CLTC: variants seen among roughly 807,000 people sequenced by gnomAD.
CLTC encodes the protein clathrin heavy chain, also known as clathrin heavy chain 1.
A neutral mutation model predicts 195.8 loss-of-function variants in CLTC; 16 were observed. The observed-to-expected ratio is 0.08, with a 90% confidence interval of 0.06 to 0.12. CLTC has a LOEUF of 0.12. Ranked by LOEUF, CLTC falls within the 10% of genes least tolerant of loss-of-function variation. The probability of loss-of-function intolerance (pLI) is 1.00; values close to 1 mark genes in which losing one functional copy is unlikely to be tolerated. For synonymous variants in CLTC, 667 were observed against 689.4 expected (o/e 0.97, Z 0.51); for missense variants, 796 against 2,027.0 (o/e 0.39, Z 11.66).
At position 59,685,500 on chromosome 17, in the gene CLTC, T is replaced by C. The variant is rs2033165476; in HGVS notation, c.4606-87T>C. The C allele has an allele frequency of 8.3e-7, 1 of 1,210,976 alleles. No homozygotes were observed. The highest frequency in any genetic ancestry group is 1.2e-6 in the Non-Finnish European group (1 of 856,782). 75.0% of individuals were successfully genotyped at this position (1,210,976 alleles called of 1,614,324 possible). A position where few individuals can be genotyped will look rare whatever the true frequency, so the allele number is the denominator to read the frequency against. ...TTTTCCCCTTGCAAAACCAGATTTA[T>C]ATTGGAAAGTTTCCATTGTTTTTCT... On this transcript the variant is annotated intron_variant, in intron 29 of 31. Coordinates refer to ENST00000269122, the MANE Select transcript of CLTC (RefSeq NM_004859.4). The surrounding 1 kb of genome is among the most constrained non-coding windows in gnomAD (Gnocchi z 5.0).
At chr17:59,664,563 A>AAAAG (rs1555605157) in intron 9 of CLTC, 9 of 289,944 alleles carry the variant, frequency 3.1e-5, no homozygotes, top group Admixed American at 1.7e-4. Flanking sequence ...AAAAAAAAAA[A>AAAAG]AAAAGAAAAG....
Position 59,673,783 on chromosome 17 carries a change from T to G in CLTC, c.2418+11T>G. 9.3e-7 allele frequency: 1 copy of G among 1,073,472 alleles called. No individual in the cohort carries two copies. Among genetic ancestry groups the G allele is most frequent in the Non-Finnish European group, 1.4e-6 (1 of 697,150 alleles). The allele number at this position is 1,073,472 out of a possible 1,614,324, so 66.5% of individuals were successfully genotyped here. Reference sequence around the variant, plus strand: ...ATATATGTACAGAAGGTAAGTAATATGTAGGTAATGTAAAGGTATAATCTT... The same window carrying G: ...ATATATGTACAGAAGGTAAGTAATAGGTAGGTAATGTAAAGGTATAATCTT... On this transcript the variant is annotated intron_variant, in intron 15 of 31. Transcript: ENST00000269122.
chr17:59,620,881 C>G (rs1172683499), intron 1 of CLTC, among the ~76,000 whole-genome samples: 1 of 152,172 alleles, frequency 6.6e-6, no homozygotes, highest in Non-Finnish European at 1.5e-5. Flanking sequence ...GCCTCCCCTT[C>G]CCCCTTTTTT....
At chr17:59,639,803 TAA>T (rs34219678) in intron 1 of CLTC, among the ~76,000 whole-genome samples, 2 of 142,644 alleles carry the variant, frequency 1.4e-5, no homozygotes, top group Admixed American at 7.0e-5. Flanking sequence ...ACCTGTCTCT[TAA>T]AAAAAAAAAA....
In CLTC at chr17:59,681,183, C is replaced by T. The variant is rs2033073621; in HGVS notation, c.3066-112C>T. 4 of 1,427,834 alleles carry T rather than the reference C, an allele frequency of 2.8e-6. No homozygotes were observed. The East Asian group carries it at 6.9e-5, about 25-fold the overall frequency. 88.4% of individuals were successfully genotyped at this position (1,427,834 alleles called of 1,614,324 possible). ...TGAATTCTCACTCTTCTAATATCCTCCCCCCTACCCTACCTCTTGAGACAA... is the reference window on the plus strand; with the variant it reads ...TGAATTCTCACTCTTCTAATATCCTTCCCCCTACCCTACCTCTTGAGACAA... On this transcript the variant is annotated intron_variant, in intron 19 of 31. Coordinates refer to ENST00000269122, the MANE Select transcript of CLTC (RefSeq NM_004859.4). The surrounding 1 kb of genome is among the most constrained non-coding windows in gnomAD (Gnocchi z 5.0).
At chr17:59,634,634 T>G (rs1413550615) in intron 1 of CLTC, among the ~76,000 whole-genome samples, 1 of 152,142 alleles carries the variant, frequency 6.6e-6, no homozygotes, top group African/African-American at 2.4e-5. Flanking sequence ...AATCAAAAAT[T>G]CTAAGAGCCA....
At chr17:59,652,916 T>C (rs2032363481) in intron 5 of CLTC, among the ~76,000 whole-genome samples, 1 of 152,208 alleles carries the variant, frequency 6.6e-6, no homozygotes, top group Non-Finnish European at 1.5e-5. Context: ...TCAATGATCT[T>C]AGCTAGATCT....
At chr17:59,631,915 G>C (rs549937137) in intron 1 of CLTC, among the ~76,000 whole-genome samples, 36 of 151,648 alleles carry the variant, frequency 2.4e-4, no homozygotes, top group African/African-American at 8.2e-4. Context: ...GGTTGCAGTA[G>C]GCTGAAGTCA....
chr17:59,622,426 G>GT, intron 1 of CLTC, among the ~76,000 whole-genome samples: 1 of 152,020 alleles, frequency 6.6e-6, no homozygotes, highest in Admixed American at 6.6e-5. Flanking sequence ...GGTTTTTGCT[G>GT]GAGGTCAGTG....
intron 7 of CLTC, 63 bp downstream of exon 7, chr17:59,660,651 T>A: frequency 6.6e-7 from 1 of 1,519,490 alleles, no homozygotes; most frequent in Non-Finnish European, 9.1e-7. Context: ...CTGTTTCTTA[T>A]ATTACTAGAA....
rs769723263 is a variant in CLTC at position 59,681,280 on chromosome 17, T to G, written c.3066-15T>G. 6.3e-7 allele frequency: 1 copy of G among 1,580,450 alleles called. No individual in the cohort carries two copies. The highest frequency in any genetic ancestry group is 1.1e-5 in the South Asian group (1 of 87,552). On this transcript the variant is annotated splice_polypyrimidine_tract_variant and intron_variant, in intron 19 of 31. Transcript: ENST00000269122. The surrounding 1 kb of genome is among the most constrained non-coding windows in gnomAD (Gnocchi z 5.0). ...TTAAAATATTGCATTTAAAATATTC[T>G]TTTTTTTCTTAAAGGAATCTGCAAA...
At chr17:59,652,335 G>A (rs571268586) in intron 5 of CLTC, among the ~76,000 whole-genome samples, 1 of 152,166 alleles carries the variant, frequency 6.6e-6, no homozygotes, top group South Asian at 2.1e-4. Context: ...CAGATTGACC[G>A]TTACTTAAAT....
In CLTC at chr17:59,681,610, T is replaced by G. The variant is rs766251675; in HGVS notation, c.3250-37T>G. The G allele has an allele frequency of 6.3e-7, 1 of 1,589,082 alleles. No individual in the cohort carries two copies. Among genetic ancestry groups the G allele is most frequent in the Non-Finnish European group, 8.6e-7 (1 of 1,163,874 alleles). On this transcript the variant is annotated intron_variant, in intron 20 of 31. Coordinates refer to ENST00000269122, the MANE Select transcript of CLTC (RefSeq NM_004859.4). The surrounding 1 kb of genome is among the most constrained non-coding windows in gnomAD (Gnocchi z 5.0). The stretch of plus-strand genomic sequence containing the variant: ...ATGTAATTGCTTTGGGTAGGATTGA[T>G]TTTACTCTAACCCTAATTTCAAACT...
chr17:59,679,564 A>T (rs1470694742), intron 18 of CLTC, 45 bp downstream of exon 18: 1 of 1,515,792 alleles, frequency 6.6e-7, no homozygotes, highest in Non-Finnish European at 8.9e-7. Flanking sequence ...AAAATTATAC[A>T]TTTTTAACTA....
chr17:59,679,581 C>T, intron 18 of CLTC, 62 bp downstream of exon 18: 1 of 1,448,792 alleles, frequency 6.9e-7, no homozygotes, highest in Non-Finnish European at 9.3e-7. Context: ...ACTATGAATA[C>T]AATCCTTTCC....
chr17:59,696,437 A>G lies in CLTC; in HGVS notation c.*2585A>G, dbSNP rs975811631. The G allele has an allele frequency of 4.6e-6, 1 of 215,342 alleles. No individual in the cohort carries two copies. The highest frequency in any genetic ancestry group is 2.3e-5 in the African/African-American group (1 of 44,350). The allele number at this position is 215,342 out of a possible 1,614,324, so 13.3% of individuals were successfully genotyped here. ...AGGTGGAGCCACTTAAAATGGGCCT[A>G]TTACCAAAATTCTCCCTGGCATCAT... On this transcript the variant is annotated 3_prime_UTR_variant, in exon 32 of 32. Transcript: ENST00000269122.
At chr17:59,622,316 T>C (rs1232774724) in intron 1 of CLTC, among the ~76,000 whole-genome samples, 4 of 152,218 alleles carry the variant, frequency 2.6e-5, no homozygotes, top group African/African-American at 4.8e-5. Context: ...GGAGCCCAAA[T>C]AACTACAGCC....
Position 59,683,389 on chromosome 17 carries a change from G to A in CLTC, c.4044G>A (p.Val1348=). ...GCAATTAAGTCTTTCTTATGCAGGT[G>A]CTAAGAGCTGCAGAACAAGCTCATC... ...LFWSRVNIPK[V]LRAAEQAHLW... is the part of the protein sequence containing the mutation. The change falls in exon 26 of 32, where the codon GTG becomes GTA. Residue 1348 remains valine (V), a splice_region_variant and synonymous_variant. Transcript: ENST00000269122. This position sits in a 1 kb window ranked among gnomAD's most constrained non-coding sequence, Gnocchi z 6.1. 1.2e-6 allele frequency: 2 copies of A among 1,611,724 alleles called. No individual in the cohort carries two copies. Among genetic ancestry groups the A allele is most frequent in the Non-Finnish European group, 1.7e-6 (2 of 1,178,902 alleles).
chr17:59,632,944 A>T (rs1057132632), intron 1 of CLTC, among the ~76,000 whole-genome samples: 2 of 152,190 alleles, frequency 1.3e-5, no homozygotes, highest in African/African-American at 4.8e-5. Context: ...TTCACACAAA[A>T]ATTGTACTTA....
Sources: gnomAD v4.1 joint callset for allele counts (sites outside exome capture counted in the v4.1 genomes callset) on GRCh38, gnomAD v4.1.1 for gene constraint, Gnocchi (gnomAD v3.1) non-coding constraint, MANE v1.5 for transcripts, NCBI Gene and HGNC (gene_info 2026-07-23, HGNC 2026-07-21) for gene names.